PPEF1: variants seen among roughly 807,000 people sequenced by gnomAD.
PPEF1 encodes the protein protein phosphatase with EF-hand domain 1, also known as serine/threonine-protein phosphatase with EF-hands 1.
A neutral mutation model predicts 53.3 loss-of-function variants in PPEF1; 12 were observed. The ratio of observed to expected loss-of-function variants is 0.23; its 90% CI spans 0.14 to 0.36. PPEF1 has a LOEUF of 0.36. Ranked by LOEUF, PPEF1 falls within the 10% of genes least tolerant of loss-of-function variation. The pLI, the probability that PPEF1 is intolerant of heterozygous loss-of-function variation, is 1.00. For synonymous variants in PPEF1, 165 were observed against 176.7 expected (o/e 0.93, Z 0.52); for missense variants, 334 against 490.4 (o/e 0.68, Z 3.01).
intron 1 of PPEF1, among the ~76,000 whole-genome samples, chrX:18,724,834 C>T (rs2044670827): frequency 9.0e-6 from 1 of 110,715 alleles, no homozygotes; most frequent in Non-Finnish European, 1.9e-5. Flanking sequence ...TGCATTCTAC[C>T]CTTTGCTATT....
intron 14 of PPEF1, among the ~76,000 whole-genome samples, chrX:18,825,026 G>T (rs59486955): frequency 0.042 from 4,672 of 111,546 alleles, 221 homozygotes; most frequent in African/African-American, 0.14. Context: ...TGTTAAGCCT[G>T]AGTGTACAGA....
chrX:18,801,993 A>G (rs868524224), intron 10 of PPEF1, among the ~76,000 whole-genome samples: 90 of 109,816 alleles, frequency 8.2e-4, no homozygotes, highest in Non-Finnish European at 1.3e-3. Flanking sequence ...CAAAAAAAAA[A>G]AAAAGAAAAG....
intron 10 of PPEF1, among the ~76,000 whole-genome samples, chrX:18,790,609 A>C (rs1326979099): frequency 1.8e-5 from 2 of 111,340 alleles, no homozygotes; most frequent in Admixed American, 9.5e-5. Context: ...TAGGTGTCTG[A>C]TCCATTTTGA....
chrX:18,823,280 A>G (rs1339117356), intron 13 of PPEF1, among the ~76,000 whole-genome samples: 1 of 112,134 alleles, frequency 8.9e-6, no homozygotes, highest in East Asian at 2.8e-4. Context: ...ACAGGTGAAT[A>G]ATACATCTTT....
At chrX:18,738,485 G>T (rs1231781666) in intron 3 of PPEF1, among the ~76,000 whole-genome samples, 1 of 111,366 alleles carries the variant, frequency 9.0e-6, no homozygotes, top group South Asian at 3.7e-4. Flanking sequence ...AGTTTCTGCC[G>T]AGAGATCCGC....
At chrX:18,795,881 T>G (rs1202477162) in intron 10 of PPEF1, among the ~76,000 whole-genome samples, 1 of 112,364 alleles carries the variant, frequency 8.9e-6, no homozygotes, top group South Asian at 3.7e-4. Flanking sequence ...CTTCTCATTT[T>G]TGACTGCTAG....
chrX:18,685,923 T>C (rs1236472490), intron 2 of PPEF1, among the ~76,000 whole-genome samples: 1 of 111,427 alleles, frequency 9.0e-6, no homozygotes, highest in Non-Finnish European at 1.9e-5. Context: ...GACTTTTTTT[T>C]TCTTTCAGAA....
intron 6 of PPEF1, among the ~76,000 whole-genome samples, chrX:18,774,700 C>A (rs1428052408): frequency 8.9e-6 from 1 of 112,228 alleles, no homozygotes; most frequent in African/African-American, 3.2e-5. Flanking sequence ...ACCCTGAGAA[C>A]TTAATGTCTT....
At chrX:18,706,891 C>A (rs1431207708), upstream of PPEF1, among the ~76,000 whole-genome samples, 8 of 79,829 alleles carry the variant, frequency 1.0e-4, no homozygotes, top group African/African-American at 4.0e-4. Flanking sequence ...TACAGTGGTG[C>A]GATCTCAGCT....
Position 18,707,713 on chromosome X carries a change from G to A in PPEF1, c.-68G>A. 1 of 1,028,753 alleles carries A rather than the reference G, an allele frequency of 9.7e-7. No individual in the cohort carries two copies. Among genetic ancestry groups the A allele is most frequent in the Non-Finnish European group, 1.4e-6 (1 of 731,833 alleles). 84.8% of individuals were successfully genotyped at this position (1,028,753 alleles called of 1,213,427 possible). ...GTGGTTCCTCGCAGCTTAAAGGGAGGCACTTTTCACACTCTGTCTTAAAAT... is the reference window on the plus strand; with the variant it reads ...GTGGTTCCTCGCAGCTTAAAGGGAGACACTTTTCACACTCTGTCTTAAAAT... On this transcript the variant is annotated 5_prime_UTR_variant, in exon 1 of 16. Coordinates refer to ENST00000470157, the MANE Select transcript of PPEF1 (RefSeq NM_001377996.1).
chrX:18,733,135 G>A (rs2044877527), intron 2 of PPEF1, among the ~76,000 whole-genome samples: 1 of 111,718 alleles, frequency 9.0e-6, no homozygotes, highest in African/African-American at 3.3e-5. Context: ...GATCCGGGGA[G>A]GCGGAGGTTA....
At chrX:18,750,213 C>T (rs935164484) in intron 4 of PPEF1, among the ~76,000 whole-genome samples, 3 of 111,450 alleles carry the variant, frequency 2.7e-5, no homozygotes, top group African/African-American at 9.8e-5. Context: ...TTACAGTGTA[C>T]GACTCAGTGA....
chrX:18,784,030 C>A lies in PPEF1; in HGVS notation c.894C>A (p.His298Gln), dbSNP rs758501445. Residue 298 changes from histidine (H) to glutamine (Q), a missense_variant, in exon 9 of 16, where the codon CAC becomes CAA. By Grantham distance (24) the His-to-Gln change is conservative (BLOSUM62 0). Coordinates refer to ENST00000470157, the MANE Select transcript of PPEF1 (RefSeq NM_001377996.1). ...AGACCACAGACTTGAATTTACTCCACCGTGTAGAGAGGAACAAGGTAAGAA... is the reference window on the plus strand; with the variant it reads ...AGACCACAGACTTGAATTTACTCCAACGTGTAGAGAGGAACAAGGTAAGAA... ...ISETTDLNLL[H>Q]RVERNKMKSV... The A allele has an allele frequency of 1.7e-6, 2 of 1,204,698 alleles. No individual in the cohort carries two copies. Among genetic ancestry groups the A allele is most frequent in the Non-Finnish European group, 2.2e-6 (2 of 892,814 alleles).
At position 18,824,730 on chromosome X, in the gene PPEF1, C is replaced by T. The variant is rs750193521; in HGVS notation, c.1665+644C>T. ...CCAGGCTGGAGTGCAGTGGTGCAGTCTCGGCTCACTGCAACCTCTGCCTGC... is the reference window on the plus strand; with the variant it reads ...CCAGGCTGGAGTGCAGTGGTGCAGTTTCGGCTCACTGCAACCTCTGCCTGC... On this transcript the variant is annotated intron_variant, in intron 14 of 15. Coordinates refer to ENST00000470157, the MANE Select transcript of PPEF1 (RefSeq NM_001377996.1). Among the ~76,000 whole-genome samples the T allele has an allele frequency of 3.8e-3, 414 of 109,555 alleles. 2 individuals carry two copies. The highest frequency in any genetic ancestry group is 5.8e-3 in the Non-Finnish European group (307 of 52,582).
intron 3 of PPEF1, among the ~76,000 whole-genome samples, chrX:18,687,200 T>G (rs923274591): frequency 9.0e-6 from 1 of 111,297 alleles, no homozygotes; most frequent in Non-Finnish European, 1.9e-5. Context: ...CTGTGTCACA[T>G]GACTACCCAT....
intron 6 of PPEF1, among the ~76,000 whole-genome samples, chrX:18,775,621 A>G (rs1326293420): frequency 2.7e-5 from 3 of 112,481 alleles, no homozygotes; most frequent in Non-Finnish European, 5.6e-5. Context: ...TACTTTAAAA[A>G]CAAACTAGTT....
At chrX:18,710,301 C>T (rs1416010985) in intron 1 of PPEF1, among the ~76,000 whole-genome samples, 1 of 111,796 alleles carries the variant, frequency 8.9e-6, no homozygotes, top group Non-Finnish European at 1.9e-5. Flanking sequence ...TTGTTGAATT[C>T]TCTTCATCCT....
At chrX:18,745,430 C>T (rs1395383084) in intron 3 of PPEF1, among the ~76,000 whole-genome samples, 2 of 107,236 alleles carry the variant, frequency 1.9e-5, no homozygotes, top group South Asian at 4.0e-4. Context: ...AGGCTTGTCT[C>T]GAACTCCTGG....
At chrX:18,775,242 G>T (rs2045944160) in intron 6 of PPEF1, among the ~76,000 whole-genome samples, 1 of 69,495 alleles carries the variant, frequency 1.4e-5, no homozygotes. Context: ...TTTTGAGACA[G>T]AGTCTCACTG....
Sources: gnomAD v4.1 joint callset for allele counts (sites outside exome capture counted in the v4.1 genomes callset) on GRCh38, gnomAD v4.1.1 for gene constraint, MANE v1.5 for transcripts, NCBI Gene and HGNC (gene_info 2026-07-23, HGNC 2026-07-21) for gene names.